The following RGS6 variants were observed in gnomAD, a reference collection of about 807,000 sequenced individuals.
The protein encoded by RGS6 is regulator of G-protein signaling 6.
A neutral mutation model predicts 78.5 loss-of-function variants in RGS6; 30 were observed. The ratio of observed to expected loss-of-function variants is 0.38; its 90% CI spans 0.29 to 0.52. RGS6 has a LOEUF of 0.52. RGS6 is among the 20% of genes least tolerant of loss of function. The pLI is 0.85. For synonymous variants in RGS6, 206 were observed against 206.0 expected, an observed-to-expected ratio of 1.00 and a Z score of 0.00; for missense variants, 495 against 609.7, an observed-to-expected ratio of 0.81 and a Z score of 1.98.
intron 2 of RGS6, among the ~76,000 whole-genome samples, chr14:72,184,515 T>A (rs2097214207): frequency 6.6e-6 from 1 of 152,140 alleles, no homozygotes; most frequent in South Asian, 2.1e-4. Context: ...ATAGTTAATT[T>A]ATGCTTTCCC....
chr14:72,501,736 T>C (rs1275015300), intron 13 of RGS6, among the ~76,000 whole-genome samples: 3 of 152,162 alleles, frequency 2.0e-5, no homozygotes, highest in Non-Finnish European at 4.4e-5. Flanking sequence ...GTCAGCAGAA[T>C]GTGGTTTGTG....
intron 2 of RGS6, among the ~76,000 whole-genome samples, chr14:72,330,891 G>T (rs1276044290): frequency 6.6e-6 from 1 of 152,056 alleles, no homozygotes; most frequent in Admixed American, 6.6e-5. Context: ...CAGACAAGCT[G>T]CACGTTTCTG....
Position 72,057,112 on chromosome 14 carries a change from G to C in RGS6, c.84+92237G>C, listed in dbSNP as rs187516936. ...GCGGATCACTTGAGGTCAGGAGTTCGAGACCAGCCTAGGCAACATGGTGAA... is the reference window on the plus strand; with the variant it reads ...GCGGATCACTTGAGGTCAGGAGTTCCAGACCAGCCTAGGCAACATGGTGAA... On this transcript the variant is annotated intron_variant, in intron 2 of 17. Transcript: ENST00000553525. 3.2e-3 allele frequency among the ~76,000 whole-genome samples: 487 copies of C among 151,924 alleles called. 3 individuals are homozygous for C. The highest frequency in any genetic ancestry group is 0.011 in the African/African-American group (448 of 41,406).
intron 3 of RGS6, among the ~76,000 whole-genome samples, chr14:72,364,243 GC>G (rs2082058327): frequency 2.0e-5 from 3 of 152,086 alleles, no homozygotes; most frequent in Admixed American, 2.0e-4. Flanking sequence ...GACCAGTCAA[GC>G]CCCAGGACAG....
At chr14:72,013,709 T>G (rs1596080322) in intron 2 of RGS6, among the ~76,000 whole-genome samples, 1 of 152,248 alleles carries the variant, frequency 6.6e-6, no homozygotes, top group Admixed American at 6.5e-5. Context: ...ATCTATACTT[T>G]GTTGAATGTA....
At chr14:71,870,949 A>G in the RGS6 span, among the ~76,000 whole-genome samples, 1 of 152,232 alleles carries the variant, frequency 6.6e-6, no homozygotes. Flanking sequence ...GAGATTGTGT[A>G]CAAGTTCTCC....
chr14:71,923,719 T>C, the RGS6 span, among the ~76,000 whole-genome samples: 1 of 152,004 alleles, frequency 6.6e-6, no homozygotes, highest in Non-Finnish European at 1.5e-5. Context: ...TCAATTTCCA[T>C]GACAGTCTAG....
At chr14:72,367,841 C>T (rs2082720779) in intron 3 of RGS6, among the ~76,000 whole-genome samples, 1 of 152,148 alleles carries the variant, frequency 6.6e-6, no homozygotes, top group Non-Finnish European at 1.5e-5. Flanking sequence ...CCTCTTTGGG[C>T]CTCAGTTTTC....
chr14:72,161,374 TTAAAG>T (rs1446745774), intron 2 of RGS6, among the ~76,000 whole-genome samples: 17 of 152,194 alleles, frequency 1.1e-4, no homozygotes, highest in African/African-American at 4.1e-4. Context: ...TCCCAGAACT[TTAAAG>T]TATAATAATA....
At chr14:72,022,299 T>C (rs967852126) in intron 2 of RGS6, 1 of 152,160 alleles carries the variant, frequency 6.6e-6, no homozygotes, top group Non-Finnish European at 1.5e-5. Flanking sequence ...TACCCAGCAG[T>C]GGGATTGCTG....
At chr14:72,239,443 C>G (rs1022727945) in intron 2 of RGS6, among the ~76,000 whole-genome samples, 1 of 152,204 alleles carries the variant, frequency 6.6e-6, no homozygotes, top group Non-Finnish European at 1.5e-5. Flanking sequence ...GATTGTCTCT[C>G]CCTGGTGCCC....
At chr14:72,585,041 G>GTCT in the RGS6 span, among the ~76,000 whole-genome samples, 1 of 146,692 alleles carries the variant, frequency 6.8e-6, no homozygotes, top group African/African-American at 2.8e-5. Context: ...CAAGCATTAT[G>GTCT]TCGTCTTCAT....
chr14:72,008,451 A>G (rs2085008626), intron 2 of RGS6, among the ~76,000 whole-genome samples: 1 of 152,180 alleles, frequency 6.6e-6, no homozygotes, highest in Non-Finnish European at 1.5e-5. Flanking sequence ...GGCAGCCTCC[A>G]AGATGGCTCC....
chr14:72,054,274 T>C (rs973236053), intron 2 of RGS6, among the ~76,000 whole-genome samples: 6 of 152,094 alleles, frequency 3.9e-5, no homozygotes, highest in African/African-American at 1.4e-4. Flanking sequence ...TTTGTTTTGT[T>C]TTGTTTTGTT....
intron 2 of RGS6, among the ~76,000 whole-genome samples, chr14:71,993,291 C>T: frequency 6.9e-6 from 1 of 145,748 alleles, no homozygotes; most frequent in Non-Finnish European, 1.5e-5. Flanking sequence ...CTGCCATGAA[C>T]AGCGCACACT....
the RGS6 span, among the ~76,000 whole-genome samples, chr14:71,887,197 C>T: frequency 1.3e-5 from 2 of 152,204 alleles, no homozygotes; most frequent in Admixed American, 6.5e-5. Context: ...ACTTTAATTT[C>T]TTAATCCTGT....
intron 12 of RGS6, among the ~76,000 whole-genome samples, chr14:72,482,099 C>T (rs1410025341): frequency 3.3e-5 from 5 of 152,122 alleles, no homozygotes; most frequent in South Asian, 2.1e-4. Context: ...CATGAGCCAC[C>T]GCTCCCGGCC....
chr14:72,075,092 A>T (rs1335244835), intron 2 of RGS6, among the ~76,000 whole-genome samples: 1 of 152,200 alleles, frequency 6.6e-6, no homozygotes, highest in Non-Finnish European at 1.5e-5. Flanking sequence ...TCCATACTGG[A>T]TGTGGCTTTG....
chr14:72,230,529 G>A (rs778951282), intron 2 of RGS6, among the ~76,000 whole-genome samples: 14 of 152,180 alleles, frequency 9.2e-5, no homozygotes, highest in Non-Finnish European at 1.9e-4. Flanking sequence ...ATTGGAAACT[G>A]TAGCACTCAG....
Sources: gnomAD v4.1 joint callset for allele counts (sites outside exome capture counted in the v4.1 genomes callset) on GRCh38, gnomAD v4.1.1 for gene constraint, MANE v1.5 for transcripts, NCBI Gene and HGNC (gene_info 2026-07-23, HGNC 2026-07-21) for gene names.